SLC25A48: variants seen among roughly 807,000 people sequenced by gnomAD.
SLC25A48 encodes the protein solute carrier family 25 member 48.
A neutral mutation model predicts 32.2 loss-of-function variants in SLC25A48; 29 were observed. That is an observed-to-expected ratio of 0.90 (90% CI 0.67 to 1.23). The LOEUF (loss-of-function observed/expected upper bound fraction) is 1.23. SLC25A48 is among the 50% of genes most tolerant of loss of function. The pLI is 0.00. For synonymous variants in SLC25A48, 164 were observed against 172.3 expected (o/e 0.95, Z 0.38); for missense variants, 399 against 422.7 (o/e 0.94, Z 0.49).
At chr5:135,664,261 T>G (rs1450938628) in intron 3 of SLC25A48, among the ~76,000 whole-genome samples, 1 of 152,242 alleles carries the variant, frequency 6.6e-6, no homozygotes, top group African/African-American at 2.4e-5. Flanking sequence ...CCACCTTGGC[T>G]TTGTCACTGA....
intron 3 of SLC25A48, among the ~76,000 whole-genome samples, chr5:135,787,624 G>T (rs1243330349): frequency 6.6e-6 from 1 of 151,666 alleles, no homozygotes; most frequent in African/African-American, 2.4e-5. Context: ...AATTTCACAG[G>T]GAGTGTATAC....
rs1435252067 is a variant in SLC25A48 at position 135,784,354 on chromosome 5, T to C, written c.-520-28169T>C. Among the ~76,000 whole-genome samples, 25 of 116,702 alleles carry C rather than the reference T, an allele frequency of 2.1e-4. 7 individuals are homozygous for C. 76.6% of individuals were successfully genotyped at this position (116,702 alleles called of 152,430 possible). A position where few individuals can be genotyped will look rare whatever the true frequency, so the allele number is the denominator to read the frequency against. On this transcript the variant is annotated intron_variant, in intron 3 of 10. Coordinates refer to the SLC25A48 transcript ENST00000646290. ...CCAGGAAGTTTCCACCCCCCTGTGA[T>C]ATAGTTTTTAATATCCAGTAGAAGA...
chr5:135,721,316 C>T (rs1230459707), intron 3 of SLC25A48, among the ~76,000 whole-genome samples: 1 of 150,622 alleles, frequency 6.6e-6, no homozygotes, highest in African/African-American at 2.4e-5. Context: ...ATTCTCCTGC[C>T]TCAGCCTCCC....
intron 3 of SLC25A48, among the ~76,000 whole-genome samples, chr5:135,731,494 G>A (rs1755221438): frequency 1.3e-5 from 2 of 152,180 alleles, no homozygotes; most frequent in South Asian, 4.1e-4. Context: ...ATGTTTCTTG[G>A]GGCTGCTTCA....
chr5:135,700,410 A>G (rs1754366687), intron 3 of SLC25A48, among the ~76,000 whole-genome samples: 1 of 151,746 alleles, frequency 6.6e-6, no homozygotes, highest in Non-Finnish European at 1.5e-5. Context: ...AAGAAAAGAA[A>G]ATGATATTGG....
chr5:135,584,831 T>G (rs1751324681), intron 1 of SLC25A48, among the ~76,000 whole-genome samples: 1 of 152,238 alleles, frequency 6.6e-6, no homozygotes, highest in Admixed American at 6.5e-5. Context: ...TGATTATAAG[T>G]ATGCAAAACA....
chr5:135,657,695 T>C (rs1388279724), intron 3 of SLC25A48, among the ~76,000 whole-genome samples: 1 of 152,326 alleles, frequency 6.6e-6, no homozygotes, highest in East Asian at 1.9e-4. Context: ...GTGTATCTAG[T>C]CTAAATTCCC....
intron 3 of SLC25A48, among the ~76,000 whole-genome samples, chr5:135,715,894 C>A (rs1016051987): frequency 6.6e-6 from 1 of 152,190 alleles, no homozygotes; most frequent in African/African-American, 2.4e-5. Context: ...CTTGACATGC[C>A]TGTGCTGTGA....
intron 1 of SLC25A48, among the ~76,000 whole-genome samples, chr5:135,836,357 G>A (rs1758505562): frequency 1.4e-5 from 1 of 73,366 alleles, no homozygotes; most frequent in Non-Finnish European, 3.5e-5. Context: ...TAATAACATG[G>A]CTTTTTTTTT....
chr5:135,706,279 T>C (rs1370224501), intron 3 of SLC25A48, among the ~76,000 whole-genome samples: 2 of 152,282 alleles, frequency 1.3e-5, no homozygotes, highest in South Asian at 4.1e-4. Context: ...AAAAGTGATT[T>C]ACACCTTCTC....
At chr5:135,692,343 A>G (rs1459561537) in intron 3 of SLC25A48, among the ~76,000 whole-genome samples, 1 of 148,998 alleles carries the variant, frequency 6.7e-6, no homozygotes, top group Non-Finnish European at 1.5e-5. Context: ...AAAGGTAGTC[A>G]GTAGCTCGTG....
At chr5:135,606,378 T>C (rs1751932513) in intron 1 of SLC25A48, among the ~76,000 whole-genome samples, 3 of 152,254 alleles carry the variant, frequency 2.0e-5, no homozygotes, top group Admixed American at 2.0e-4. Flanking sequence ...TTGAGAAGCA[T>C]TGATCTGCTG....
At chr5:135,883,711 G>A (rs926109107) in intron 7 of SLC25A48, among the ~76,000 whole-genome samples, 2 of 152,228 alleles carry the variant, frequency 1.3e-5, no homozygotes, top group Non-Finnish European at 2.9e-5. Context: ...ACCCTGAGCA[G>A]TGGCACACGT....
At chr5:135,595,680 C>G (rs1359643097) in intron 1 of SLC25A48, among the ~76,000 whole-genome samples, 1 of 152,192 alleles carries the variant, frequency 6.6e-6, no homozygotes. Flanking sequence ...AGATGTGTGA[C>G]TGCTCTGAGA....
At chr5:135,652,835 C>T (rs1753148399) in intron 3 of SLC25A48, among the ~76,000 whole-genome samples, 1 of 152,186 alleles carries the variant, frequency 6.6e-6, no homozygotes, top group South Asian at 2.1e-4. Flanking sequence ...AGGATCTGGT[C>T]ATTTTGGGCT....
chr5:135,801,666 T>A (rs571684522), intron 3 of SLC25A48, among the ~76,000 whole-genome samples: 2 of 151,250 alleles, frequency 1.3e-5, no homozygotes, highest in South Asian at 2.1e-4. Flanking sequence ...AATATCACAG[T>A]GGGAATACAC....
intron 4 of SLC25A48, among the ~76,000 whole-genome samples, chr5:135,857,612 A>G (rs1028539227): frequency 6.6e-6 from 1 of 152,232 alleles, no homozygotes; most frequent in Non-Finnish European, 1.5e-5. Flanking sequence ...AAAAGACTGC[A>G]TCCTGTCTCT....
chr5:135,785,848 C>T (rs1339663646), intron 3 of SLC25A48, among the ~76,000 whole-genome samples: 1 of 150,936 alleles, frequency 6.6e-6, no homozygotes, highest in Non-Finnish European at 1.5e-5. Context: ...TCTTTTGCCT[C>T]ATAAATTGTA....
At chr5:135,678,575 G>A (rs2126947949) in intron 3 of SLC25A48, among the ~76,000 whole-genome samples, 1 of 152,210 alleles carries the variant, frequency 6.6e-6, no homozygotes, top group East Asian at 1.9e-4. Flanking sequence ...GTGTTCTTTG[G>A]AGGTATAATA....
Sources: gnomAD v4.1 joint callset for allele counts (sites outside exome capture counted in the v4.1 genomes callset) on GRCh38, gnomAD v4.1.1 for gene constraint, MANE v1.5 for transcripts, NCBI Gene and HGNC (gene_info 2026-07-23, HGNC 2026-07-21) for gene names.